KCNJ6: variants seen among roughly 807,000 people sequenced by gnomAD.
KCNJ6 encodes potassium inwardly rectifying channel subfamily J member 6.
In KCNJ6, 9 loss-of-function variants were observed where a neutral mutation model predicts 34.2. The ratio of observed to expected loss-of-function variants is 0.26; its 90% CI spans 0.16 to 0.46. The LOEUF is 0.46. Ranked by LOEUF, KCNJ6 falls within the 20% of genes least tolerant of loss-of-function variation. The pLI, the probability that KCNJ6 is intolerant of heterozygous loss-of-function variation, is 1.00. For missense variants in KCNJ6, 236 were observed against 531.3 expected (o/e 0.44, Z 5.46); for synonymous variants, 196 against 207.1 (o/e 0.95, Z 0.46).
chr21:37,837,225 G>A (rs903757951), intron 2 of KCNJ6, among the ~76,000 whole-genome samples: 25 of 150,774 alleles, frequency 1.7e-4, no homozygotes, highest in African/African-American at 4.4e-4. Flanking sequence ...TATCATGCCC[G>A]TCCTCGTTTC....
intron 2 of KCNJ6, among the ~76,000 whole-genome samples, chr21:37,808,819 G>A (rs895921388): frequency 1.6e-4 from 24 of 152,188 alleles, no homozygotes; most frequent in Non-Finnish European, 3.4e-4. Context: ...CAGAGAGAAG[G>A]TCTTGATTTC....
At chr21:37,878,903 A>C (rs573941214) in intron 1 of KCNJ6, among the ~76,000 whole-genome samples, 1 of 152,322 alleles carries the variant, frequency 6.6e-6, no homozygotes, top group African/African-American at 2.4e-5. Flanking sequence ...CTGATAGACC[A>C]ACACCACAGA....
intron 2 of KCNJ6, among the ~76,000 whole-genome samples, chr21:37,803,911 C>T (rs541005294): frequency 1.3e-5 from 2 of 152,258 alleles, no homozygotes; most frequent in East Asian, 3.9e-4. Flanking sequence ...AAGGGGCGTC[C>T]TTTTGGGGAA....
intron 3 of KCNJ6, among the ~76,000 whole-genome samples, chr21:37,683,683 G>A (rs2054599861): frequency 6.6e-6 from 1 of 152,224 alleles, no homozygotes; most frequent in South Asian, 2.1e-4. Flanking sequence ...AAGGAAGACA[G>A]GACAGAAGCC....
chr21:37,764,356 A>G (rs1357617743), intron 2 of KCNJ6, among the ~76,000 whole-genome samples: 1 of 151,158 alleles, frequency 6.6e-6, no homozygotes, highest in Non-Finnish European at 1.5e-5. Flanking sequence ...GCTTGGGATG[A>G]TTGGAAGAAA....
chr21:37,707,586 A>C (rs2054726606), intron 3 of KCNJ6, among the ~76,000 whole-genome samples: 1 of 145,446 alleles, frequency 6.9e-6, no homozygotes, highest in African/African-American at 2.5e-5. Flanking sequence ...CAGAGAAGTT[A>C]ATTTGGAAAA....
At chr21:37,745,830 C>G (rs1408813905) in intron 2 of KCNJ6, among the ~76,000 whole-genome samples, 1 of 152,202 alleles carries the variant, frequency 6.6e-6, no homozygotes, top group South Asian at 2.1e-4. Context: ...GGAGCACACA[C>G]GTCCCACTAG....
intron 2 of KCNJ6, among the ~76,000 whole-genome samples, chr21:37,745,072 GTTTTTTTTTTTTTTTTTTTTTTTT>G (rs58661633): frequency 0.33 from 29,746 of 89,548 alleles, 4,220 homozygotes; most frequent in East Asian, 0.48. Context: ...AACGTTGCTG[GTTTTTTTTTTTTTTTTTTTTTTTT>G]TTTTTTTTTT....
At chr21:37,676,206 G>C (rs564216337) in intron 3 of KCNJ6, among the ~76,000 whole-genome samples, 55 of 152,310 alleles carry the variant, frequency 3.6e-4, no homozygotes, top group African/African-American at 1.2e-3. Context: ...CTGTGGCTTG[G>C]GGACTGACCT....
chr21:37,630,134 C>CTGTGTGTGTGTGTGTGTG (rs10527592), intron 3 of KCNJ6, among the ~76,000 whole-genome samples: 2,050 of 144,238 alleles, frequency 0.014, 46 homozygotes, highest in African/African-American at 0.039. Flanking sequence ...GATGACATCT[C>CTGTGTGTGTGTGTGTGTG]TGTGTGTGTG....
intron 2 of KCNJ6, among the ~76,000 whole-genome samples, chr21:37,810,056 T>A (rs999364519): frequency 4.6e-5 from 7 of 152,204 alleles, no homozygotes; most frequent in Non-Finnish European, 1.0e-4. Flanking sequence ...TAGTAAAATA[T>A]CTTACCACCA....
intron 1 of KCNJ6, among the ~76,000 whole-genome samples, chr21:37,864,113 AT>A (rs3988669): frequency 9.1e-4 from 134 of 147,052 alleles, no homozygotes; most frequent in East Asian, 4.4e-3. Flanking sequence ...CCAATTCTCT[AT>A]TTTTTTTTTT....
chr21:37,625,990 G>A (rs1039408645), intron 3 of KCNJ6, among the ~76,000 whole-genome samples: 2 of 152,274 alleles, frequency 1.3e-5, no homozygotes, highest in East Asian at 3.9e-4. Flanking sequence ...CCTCCCACCT[G>A]CCATTAACAC....
intron 3 of KCNJ6, among the ~76,000 whole-genome samples, chr21:37,688,169 G>A (rs1460836852): frequency 1.3e-5 from 2 of 152,072 alleles, no homozygotes; most frequent in African/African-American, 2.4e-5. Flanking sequence ...GAGCAAAACT[G>A]TTCTAACATA....
chr21:37,875,515 C>A (rs1463510672), intron 1 of KCNJ6, among the ~76,000 whole-genome samples: 3 of 152,186 alleles, frequency 2.0e-5, no homozygotes, highest in Non-Finnish European at 2.9e-5. Context: ...AGGCTCCTGG[C>A]TTCTACCCTA....
intron 1 of KCNJ6, among the ~76,000 whole-genome samples, chr21:37,878,713 C>T (rs1385398324): frequency 6.6e-6 from 1 of 152,120 alleles, no homozygotes; most frequent in Non-Finnish European, 1.5e-5. Context: ...ATGTCTACCA[C>T]TGAATCACAA....
chr21:37,795,662 G>A (rs551311470), intron 2 of KCNJ6, among the ~76,000 whole-genome samples: 28 of 150,594 alleles, frequency 1.9e-4, no homozygotes, highest in Non-Finnish European at 2.5e-4. Context: ...GGAGAATGGC[G>A]AGAACCGGTT....
At chr21:37,662,620 T>C (rs1041741981) in intron 3 of KCNJ6, among the ~76,000 whole-genome samples, 3 of 152,354 alleles carry the variant, frequency 2.0e-5, no homozygotes, top group Admixed American at 6.5e-5. Context: ...TTTAGGTATA[T>C]ACCCAGTAAT....
intron 2 of KCNJ6, among the ~76,000 whole-genome samples, chr21:37,767,036 C>T (rs771763266): frequency 6.6e-5 from 10 of 152,156 alleles, no homozygotes; most frequent in Admixed American, 3.9e-4. Flanking sequence ...TGTGCCAAAA[C>T]GCTTGGGGAC....
Sources: allele counts gnomAD v4.1 joint callset (sites outside exome capture counted in the v4.1 genomes callset), GRCh38; gene constraint gnomAD v4.1.1; transcripts MANE v1.5; gene names NCBI Gene and HGNC (gene_info 2026-07-23, HGNC 2026-07-21).